The following SSH2 variants were observed in gnomAD, a reference collection of about 807,000 sequenced individuals.
SSH2 encodes protein phosphatase Slingshot homolog 2.
SSH2 carries 37 observed loss-of-function variants against 135.2 expected under a neutral mutation model. The ratio of observed to expected loss-of-function variants is 0.27; its 90% CI spans 0.21 to 0.36. The LOEUF is 0.36. Among genes scored for constraint, SSH2 ranks in the 10% least tolerant of loss-of-function variants. SSH2 has a pLI of 1.00. For synonymous variants in SSH2, 628 were observed against 646.2 expected, an observed-to-expected ratio of 0.97 and a Z score of 0.43; for missense variants, 1,408 against 1,765.3, an observed-to-expected ratio of 0.80 and a Z score of 3.63.
chr17:29,805,315 C>G (rs1031292246), intron 2 of SSH2, among the ~76,000 whole-genome samples: 1 of 151,836 alleles, frequency 6.6e-6, no homozygotes, highest in African/African-American at 2.4e-5. Context: ...CCACCACGCC[C>G]GGCTAATTTT....
chr17:29,901,978 G>A (rs2066565803), intron 1 of SSH2, among the ~76,000 whole-genome samples: 1 of 151,864 alleles, frequency 6.6e-6, no homozygotes, highest in African/African-American at 2.4e-5. Flanking sequence ...TAGAGACAGA[G>A]GCTCCTATCT....
intron 1 of SSH2, among the ~76,000 whole-genome samples, chr17:29,894,070 T>A (rs1404670805): frequency 3.9e-5 from 6 of 152,128 alleles, no homozygotes; most frequent in Non-Finnish European, 7.4e-5. Flanking sequence ...AGTGATCTCA[T>A]TCATATCCTC....
At chr17:29,778,794 A>C (rs2041770277) in intron 3 of SSH2, among the ~76,000 whole-genome samples, 1 of 132,522 alleles carries the variant, frequency 7.5e-6, no homozygotes, top group South Asian at 2.4e-4. Context: ...AGATCATGCC[A>C]CTGCACTCTA....
chr17:29,868,503 C>T (rs915143370), intron 1 of SSH2, among the ~76,000 whole-genome samples: 7 of 151,928 alleles, frequency 4.6e-5, no homozygotes, highest in South Asian at 4.2e-4. Flanking sequence ...TTTGGGAGGC[C>T]GAGGCGGGCA....
intron 3 of SSH2, among the ~76,000 whole-genome samples, chr17:29,741,846 C>T (rs1021669528): frequency 2.0e-5 from 3 of 151,750 alleles, no homozygotes; most frequent in Admixed American, 6.6e-5. Context: ...GAATTCCTGA[C>T]CTCGTGATCT....
intron 4 of SSH2, among the ~76,000 whole-genome samples, chr17:29,696,536 G>A (rs1339074704): frequency 6.9e-6 from 1 of 144,984 alleles, no homozygotes; most frequent in Non-Finnish European, 1.5e-5. Context: ...TCATGCTAGA[G>A]CTTGCAGAGC....
intron 1 of SSH2, among the ~76,000 whole-genome samples, chr17:29,904,905 A>G (rs568140493): frequency 1.3e-5 from 2 of 152,164 alleles, no homozygotes; most frequent in Admixed American, 1.3e-4. Context: ...CACAATTGCT[A>G]AAAAAGAATA....
intron 1 of SSH2, among the ~76,000 whole-genome samples, chr17:29,926,317 C>T (rs1400506130): frequency 5.3e-5 from 8 of 150,782 alleles, no homozygotes; most frequent in African/African-American, 1.7e-4. Flanking sequence ...GGTGGGCAGA[C>T]GGCTTGAGCC....
chr17:29,907,164 T>C (rs2066669221), intron 1 of SSH2, among the ~76,000 whole-genome samples: 1 of 152,170 alleles, frequency 6.6e-6, no homozygotes, highest in Non-Finnish European at 1.5e-5. Context: ...ATACATACCA[T>C]GGAATACTAT....
chr17:29,795,112 TAC>T (rs2042135272), intron 2 of SSH2, among the ~76,000 whole-genome samples: 1 of 152,234 alleles, frequency 6.6e-6, no homozygotes, highest in South Asian at 2.1e-4. Flanking sequence ...CATCTACCTT[TAC>T]ATCATTCTGC....
Position 29,632,179 on chromosome 17 carries a change from T to A in SSH2, c.3015A>T (p.Thr1005=). The A allele has an allele frequency of 6.2e-7, 1 of 1,614,082 alleles. No homozygotes were observed. Among genetic ancestry groups the A allele is most frequent in the Non-Finnish European group, 8.5e-7 (1 of 1,179,986 alleles). Residue 1005 remains threonine, a synonymous_variant, in exon 16 of 16, where the codon ACA becomes ACT. Transcript: ENST00000540801. ...PQEGPGSDTG[T]QQEGVLKDLR... is the part of the protein sequence containing the mutation. ...GATCCTTCAGGACTCCTTCCTGCTG[T>A]GTTCCAGTATCTGACCCTGGGCCCT...
At chr17:29,650,324 CT>C (rs1329522451) in intron 13 of SSH2, among the ~76,000 whole-genome samples, 57 of 152,278 alleles carry the variant, frequency 3.7e-4, no homozygotes, top group African/African-American at 1.3e-3. Context: ...TATGATATAA[CT>C]TTTAAAACTC....
intron 1 of SSH2, among the ~76,000 whole-genome samples, chr17:29,897,024 A>G (rs537285737): frequency 1.8e-4 from 28 of 152,094 alleles, no homozygotes; most frequent in African/African-American, 6.7e-4. Flanking sequence ...GGGTGTGTAT[A>G]TATATATTTA....
chr17:29,784,372 A>G (rs1443291917), intron 3 of SSH2, among the ~76,000 whole-genome samples: 6 of 136,688 alleles, frequency 4.4e-5, no homozygotes, highest in African/African-American at 1.8e-4. Context: ...GCGACAGACC[A>G]AGATTCCATC....
intron 3 of SSH2, among the ~76,000 whole-genome samples, chr17:29,719,157 C>G (rs1449360453): frequency 6.6e-6 from 1 of 152,172 alleles, no homozygotes; most frequent in Non-Finnish European, 1.5e-5. Flanking sequence ...ATCAGAGCCC[C>G]AGACCTATAA....
In SSH2 at chr17:29,630,588, A is replaced by G. The variant is rs573116570; in HGVS notation, c.*253T>C. On this transcript the variant is annotated 3_prime_UTR_variant, in exon 16 of 16. Transcript: ENST00000540801. ...TTGCCTTTGATAAAGGTGTTCTCTG[A>G]AAATGACTTTTTTGAGGTTTGATTT... is the stretch of plus-strand genomic sequence containing the variant. The G allele has an allele frequency of 1.3e-5, 4 of 299,244 alleles. No individual in the cohort carries two copies. The East Asian group carries it at 1.7e-4, about 13-fold the overall frequency. 18.5% of individuals were successfully genotyped at this position (299,244 alleles called of 1,614,324 possible). A position where few individuals can be genotyped will look rare whatever the true frequency, so the allele number is the denominator to read the frequency against.
intron 3 of SSH2, among the ~76,000 whole-genome samples, chr17:29,741,609 TCC>T (rs1320122319): frequency 2.9e-5 from 3 of 101,910 alleles, no homozygotes; most frequent in Non-Finnish European, 6.1e-5. Flanking sequence ...ACAATCCCCC[TCC>T]TTTTTTTTTT....
intron 3 of SSH2, among the ~76,000 whole-genome samples, chr17:29,743,792 C>T (rs1000563470): frequency 6.6e-6 from 1 of 151,524 alleles, no homozygotes; most frequent in Non-Finnish European, 1.5e-5. Context: ...GGTTTAAATT[C>T]ATTTGGTTAG....
At chr17:29,906,982 T>C (rs1454421336) in intron 1 of SSH2, among the ~76,000 whole-genome samples, 1 of 152,064 alleles carries the variant, frequency 6.6e-6, no homozygotes, top group African/African-American at 2.4e-5. Flanking sequence ...GAGGCAGAAA[T>C]AAAATTTAAC....
Sources: gnomAD v4.1 joint callset for allele counts (sites outside exome capture counted in the v4.1 genomes callset) on GRCh38, gnomAD v4.1.1 for gene constraint, MANE v1.5 for transcripts, NCBI Gene and HGNC (gene_info 2026-07-23, HGNC 2026-07-21) for gene names.